The following EYA2 variants were observed in gnomAD, a reference collection of about 807,000 sequenced individuals.
EYA2 encodes the protein protein phosphatase EYA2.
Under a neutral mutation model 69.2 loss-of-function variants are expected in EYA2, and 31 were observed. That is an observed-to-expected ratio of 0.45 (90% confidence interval 0.34 to 0.60). The LOEUF (loss-of-function observed/expected upper bound fraction) is 0.60, where lower values mean the gene tolerates loss of function less well. Among genes scored for constraint, EYA2 ranks in the 20% least tolerant of loss-of-function variants. The pLI is 0.02. For synonymous variants in EYA2, 257 were observed against 279.4 expected, an observed-to-expected ratio of 0.92 and a Z score of 0.80; for missense variants, 622 against 701.2, an observed-to-expected ratio of 0.89 and a Z score of 1.28.
At chr20:47,042,079 G>A (rs974582805) in intron 5 of EYA2, among the ~76,000 whole-genome samples, 13 of 152,152 alleles carry the variant, frequency 8.5e-5, no homozygotes, top group African/African-American at 1.7e-4. Context: ...AGAGATTAGC[G>A]AGTGTGAAAG....
At chr20:47,140,633 A>ATG (rs1172479217) in intron 9 of EYA2, among the ~76,000 whole-genome samples, 1 of 152,064 alleles carries the variant, frequency 6.6e-6, no homozygotes, top group Non-Finnish European at 1.5e-5. Flanking sequence ...CAGATTACCT[A>ATG]TGTTCTAATC....
At chr20:46,944,489 C>A (rs1323948311) in intron 1 of EYA2, among the ~76,000 whole-genome samples, 1 of 152,090 alleles carries the variant, frequency 6.6e-6, no homozygotes, top group Non-Finnish European at 1.5e-5. Context: ...GGGCACTACA[C>A]CAAGCACTCA....
intron 2 of EYA2, among the ~76,000 whole-genome samples, chr20:46,991,226 A>G (rs961804392): frequency 1.3e-5 from 2 of 152,232 alleles, no homozygotes; most frequent in Admixed American, 1.3e-4. Flanking sequence ...GTAGAGACGC[A>G]AGTCAACTGT....
intron 1 of EYA2, among the ~76,000 whole-genome samples, chr20:46,975,236 C>T (rs1407351671): frequency 6.6e-6 from 1 of 152,178 alleles, no homozygotes; most frequent in African/African-American, 2.4e-5. Flanking sequence ...CACACTGCAC[C>T]AACCTCAGTT....
At chr20:47,161,466 GC>G in intron 10 of EYA2, 2 of 447,590 alleles carry the variant, frequency 4.5e-6, no homozygotes, top group Admixed American at 2.7e-5. Context: ...CTCTTTGATG[GC>G]CAGGAAGAAG....
chr20:46,976,560 T>C (rs1258598639), intron 1 of EYA2, among the ~76,000 whole-genome samples: 1 of 152,178 alleles, frequency 6.6e-6, no homozygotes, highest in Admixed American at 6.5e-5. Context: ...TAATTTTTTA[T>C]ATTTTTAGTA....
intron 7 of EYA2, among the ~76,000 whole-genome samples, chr20:47,085,903 A>T (rs1170857258): frequency 1.3e-5 from 2 of 152,192 alleles, no homozygotes; most frequent in Non-Finnish European, 2.9e-5. Context: ...TTTGTTTATT[A>T]TGTTGATTGT....
intron 5 of EYA2, among the ~76,000 whole-genome samples, chr20:47,039,157 T>C (rs1245465866): frequency 6.7e-6 from 1 of 149,108 alleles, no homozygotes; most frequent in Non-Finnish European, 1.5e-5. Context: ...ATAATGTGAG[T>C]TTCTAACTAT....
intron 1 of EYA2, among the ~76,000 whole-genome samples, chr20:46,902,561 C>T (rs998954235): frequency 6.6e-6 from 1 of 152,212 alleles, no homozygotes; most frequent in Non-Finnish European, 1.5e-5. Flanking sequence ...AGCCTGCTCC[C>T]GTGGTATAAC....
intron 10 of EYA2, among the ~76,000 whole-genome samples, chr20:47,163,132 C>T (rs145640223): frequency 0.015 from 2,338 of 151,550 alleles, 61 homozygotes; most frequent in African/African-American, 0.053. Flanking sequence ...TGGGCTCAAG[C>T]GATCCTCCTT....
At chr20:47,128,091 G>T (rs956928356) in intron 9 of EYA2, among the ~76,000 whole-genome samples, 1 of 152,196 alleles carries the variant, frequency 6.6e-6, no homozygotes, top group African/African-American at 2.4e-5. Flanking sequence ...GAGGGGAAAG[G>T]CTGGGAGCAG....
intron 7 of EYA2, among the ~76,000 whole-genome samples, chr20:47,074,632 C>A (rs2031443670): frequency 6.6e-6 from 1 of 152,184 alleles, no homozygotes; most frequent in Non-Finnish European, 1.5e-5. Flanking sequence ...ATTCTATTTT[C>A]TGGCTTCTTT....
rs371837031 is a variant in EYA2 at position 47,046,948 on chromosome 20, A to G, written c.416-25237A>G. Among the ~76,000 whole-genome samples the G allele has an allele frequency of 3.0e-4, 45 of 152,256 alleles. No homozygotes were observed. The South Asian group carries it at 9.3e-3, about 32-fold the overall frequency. On this transcript the variant is annotated intron_variant, in intron 5 of 15. Transcript: ENST00000327619. ...AACTTCTTTAAGCTTCAATGTCCTT[A>G]TTTTTAAGATTGTCAGGCTGGGGTA...
At chr20:47,125,337 G>T (rs2033160910) in intron 9 of EYA2, among the ~76,000 whole-genome samples, 1 of 152,218 alleles carries the variant, frequency 6.6e-6, no homozygotes, top group Non-Finnish European at 1.5e-5. Flanking sequence ...TTACAGGTGT[G>T]AGCCACCTGC....
intron 8 of EYA2, among the ~76,000 whole-genome samples, chr20:47,093,150 G>A (rs1005095950): frequency 6.6e-6 from 1 of 152,162 alleles, no homozygotes; most frequent in East Asian, 1.9e-4. Flanking sequence ...TGTCCTGGCC[G>A]TGCCTTCATG....
At chr20:47,014,628 A>ACGTGTGTGTGTGTG (rs758094629) in intron 4 of EYA2, among the ~76,000 whole-genome samples, 2 of 144,614 alleles carry the variant, frequency 1.4e-5, no homozygotes, top group African/African-American at 5.1e-5. Flanking sequence ...TGTGCACAAA[A>ACGTGTGTGTGTGTG]TGTGTGTGTG....
rs2032074585 is a variant in EYA2 at position 47,091,209 on chromosome 20, C to T, written c.804+1828C>T. On this transcript the variant is annotated intron_variant, in intron 8 of 15. Coordinates refer to ENST00000327619, the MANE Select transcript of EYA2 (RefSeq NM_005244.5). Reference sequence around the variant, plus strand: ...AAATTTCATTTCATTATTAGGGACCCTCCACTCCCAGGATTAAATGAGAAT... The same window carrying T: ...AAATTTCATTTCATTATTAGGGACCTTCCACTCCCAGGATTAAATGAGAAT... Among the ~76,000 whole-genome samples the T allele has an allele frequency of 2.0e-5, 3 of 152,236 alleles. 1 individual carries two copies. Among genetic ancestry groups the T allele is most frequent in the African/African-American group, 2.4e-5 (1 of 41,516 alleles).
intron 1 of EYA2, among the ~76,000 whole-genome samples, chr20:46,958,349 C>T (rs900233905): frequency 6.6e-6 from 1 of 152,096 alleles, no homozygotes; most frequent in African/African-American, 2.4e-5. Flanking sequence ...TTCTCGCCAA[C>T]TGAGCCATGA....
chr20:47,147,018 G>T (rs1228180893), intron 10 of EYA2, among the ~76,000 whole-genome samples: 1 of 148,350 alleles, frequency 6.7e-6, no homozygotes, highest in South Asian at 2.2e-4. Flanking sequence ...TTGTTTTGTG[G>T]TTTTTACTTG....
Sources: allele counts gnomAD v4.1 joint callset (sites outside exome capture counted in the v4.1 genomes callset), GRCh38; gene constraint gnomAD v4.1.1; transcripts MANE v1.5; gene names NCBI Gene and HGNC (gene_info 2026-07-23, HGNC 2026-07-21).